The following XDH variants were observed in gnomAD, a reference collection of about 807,000 sequenced individuals.
The protein encoded by XDH is xanthine dehydrogenase.
In XDH, 138 loss-of-function variants were observed where a neutral mutation model predicts 156.1. The ratio of observed to expected loss-of-function variants is 0.88; its 90% CI spans 0.77 to 1.02. The LOEUF (loss-of-function observed/expected upper bound fraction) is 1.02. XDH is among the 50% of genes least tolerant of loss of function. The pLI is 0.00. For synonymous variants in XDH, 669 were observed against 625.7 expected, an observed-to-expected ratio of 1.07 and a Z score of -1.03; for missense variants, 1,849 against 1,684.9, an observed-to-expected ratio of 1.10 and a Z score of -1.71.
At chr2:31,380,102 G>T in intron 12 of XDH, 126 bp from the exon 13 acceptor site, 1 of 903,292 alleles carries the variant, frequency 1.1e-6, no homozygotes, top group East Asian at 2.6e-5. Flanking sequence ...CAGAGCAAAT[G>T]ACTGGCACAA....
At chr2:31,386,636 G>T in intron 8 of XDH, 81 bp from the exon 9 acceptor site, 1 of 1,569,216 alleles carries the variant, frequency 6.4e-7, no homozygotes, top group African/African-American at 1.3e-5. Flanking sequence ...AGTCCTCAAT[G>T]GGATGTTTTA....
chr2:31,347,839 T>TA (rs1187642551), intron 28 of XDH, among the ~76,000 whole-genome samples, 189 bp from the exon 29 acceptor site: 1 of 152,342 alleles, frequency 6.6e-6, no homozygotes, highest in Non-Finnish European at 1.5e-5. Flanking sequence ...TTCGGTTGGA[T>TA]AAAAAATTCA....
rs1685965446 is a variant in XDH at position 31,367,949 on chromosome 2, G to C, written c.2197+12C>G. ...GCCACCCCATTCCCACTGCGGCATG[G>C]AACAGCTCTACCTGACACAACATTA... On this transcript the variant is annotated intron_variant, in intron 20 of 35. Transcript: ENST00000379416. 1.2e-6 allele frequency: 2 copies of C among 1,613,806 alleles called. No homozygotes were observed. The highest frequency in any genetic ancestry group is 4.5e-5 in the East Asian group (2 of 44,864).
intron 14 of XDH, among the ~76,000 whole-genome samples, chr2:31,376,441 A>T (rs1013890595): frequency 2.7e-5 from 4 of 149,178 alleles, no homozygotes; most frequent in African/African-American, 4.9e-5. Context: ...TAATAGTAGT[A>T]GTAGTAGCAG....
chr2:31,346,762 G>C lies in XDH; in HGVS notation c.3351+7C>G. The C allele has an allele frequency of 6.2e-7, 1 of 1,614,110 alleles. No individual in the cohort carries two copies. The highest frequency in any genetic ancestry group is 1.1e-5 in the South Asian group (1 of 91,074). On this transcript the variant is annotated splice_region_variant and intron_variant, in intron 30 of 35. Coordinates refer to ENST00000379416, the MANE Select transcript of XDH (RefSeq NM_000379.4). ...TGCAAACGTGACTTGGATCAGCTCA[G>C]ACTTACCCAGTCTTCCCAGGAGCCA...
chr2:31,381,342 A>G (rs1686432286), intron 12 of XDH, among the ~76,000 whole-genome samples: 1 of 152,230 alleles, frequency 6.6e-6, no homozygotes, highest in South Asian at 2.1e-4. Context: ...AATGGTTCAC[A>G]GAATTCCTGA....
intron 1 of XDH, among the ~76,000 whole-genome samples, chr2:31,412,008 T>C (rs1335538732): frequency 1.3e-5 from 2 of 152,162 alleles, no homozygotes; most frequent in East Asian, 3.8e-4. Context: ...ACGATCTCTG[T>C]AGCTGACACT....
Position 31,349,075 on chromosome 2 carries a change from G to A in XDH, c.2970-95C>T, listed in dbSNP as rs2148755809. On this transcript the variant is annotated intron_variant, in intron 26 of 35. Coordinates refer to ENST00000379416, the MANE Select transcript of XDH (RefSeq NM_000379.4). ...CACATCAAAACAGGACATCCTTGGG[G>A]TTGCCCACAAAGATGAGAACAGTCA... The A allele has an allele frequency of 2.4e-6, 3 of 1,258,810 alleles. No individual in the cohort carries two copies. The South Asian group carries it at 3.8e-5, about 16-fold the overall frequency. The allele number at this position is 1,258,810 out of a possible 1,614,324, so 78.0% of individuals were successfully genotyped here. A position where few individuals can be genotyped will look rare whatever the true frequency, so the allele number is the denominator to read the frequency against.
chr2:31,402,287 C>A (rs998374570), intron 3 of XDH, among the ~76,000 whole-genome samples: 6 of 152,216 alleles, frequency 3.9e-5, no homozygotes, highest in Admixed American at 2.6e-4. Context: ...CAAATAATTT[C>A]TTTGCTTTTT....
At chr2:31,354,280 G>A (rs532775700) in intron 24 of XDH, among the ~76,000 whole-genome samples, 215 of 152,246 alleles carry the variant, frequency 1.4e-3, no homozygotes, top group Admixed American at 2.5e-3. Flanking sequence ...TAAAATAGAA[G>A]GCTTAAATAG....
intron 33 of XDH, among the ~76,000 whole-genome samples, chr2:31,340,684 G>A (rs1346074181): frequency 6.6e-6 from 1 of 152,046 alleles, no homozygotes; most frequent in East Asian, 1.9e-4. Context: ...TGTCCAAGCT[G>A]GTCTCGAACT....
intron 4 of XDH, among the ~76,000 whole-genome samples, chr2:31,400,642 T>C (rs1687032448): frequency 6.6e-6 from 1 of 152,220 alleles, no homozygotes; most frequent in South Asian, 2.1e-4. Flanking sequence ...TTTCAATGCA[T>C]TTTCAGGTGG....
chr2:31,348,398 A>G, intron 27 of XDH, 35 bp from the exon 28 acceptor site: 2 of 1,602,060 alleles, frequency 1.2e-6, no homozygotes, highest in Non-Finnish European at 1.7e-6. Context: ...CACAAAATTC[A>G]GTAAAATCCA....
intron 24 of XDH, among the ~76,000 whole-genome samples, chr2:31,354,752 T>C (rs757262369): frequency 1.3e-4 from 19 of 151,704 alleles, no homozygotes; most frequent in Non-Finnish European, 2.5e-4. Context: ...ATTGAGAATA[T>C]GGAATGAAAA....
At chr2:31,356,205 G>C (rs572443452) in intron 24 of XDH, among the ~76,000 whole-genome samples, 3 of 152,026 alleles carry the variant, frequency 2.0e-5, no homozygotes, top group Admixed American at 2.0e-4. Context: ...TCTCAAAATT[G>C]GTAGCAAAAA....
chr2:31,376,995 A>G (rs2148776052), intron 14 of XDH, 58 bp downstream of exon 14: 1 of 1,600,652 alleles, frequency 6.2e-7, no homozygotes, highest in Non-Finnish European at 8.6e-7. Flanking sequence ...AGCAGTAACA[A>G]TGATACTATT....
rs922491783 is a variant in XDH, at chr2:31,398,712, G to T, written c.307-13C>A. ...TGGCAATTCTCTCCTAAAAGATACA[G>T]ATGACATAGACACCTGGGATGGCAG... On this transcript the variant is annotated splice_polypyrimidine_tract_variant and intron_variant, in intron 4 of 35. Coordinates refer to ENST00000379416, the MANE Select transcript of XDH (RefSeq NM_000379.4). The T allele has an allele frequency of 6.2e-7, 1 of 1,613,270 alleles. No individual in the cohort carries two copies. The highest frequency in any genetic ancestry group is 8.5e-7 in the Non-Finnish European group (1 of 1,179,460).
At chr2:31,365,341 G>A (rs1250454501) in intron 23 of XDH, 116 bp downstream of exon 23, 22 of 1,066,936 alleles carry the variant, frequency 2.1e-5, no homozygotes, top group Admixed American at 1.7e-5. Context: ...TATCTTATTT[G>A]AACTTCTACA....
chr2:31,362,959 A>G (rs936186796), intron 24 of XDH, among the ~76,000 whole-genome samples: 39 of 152,226 alleles, frequency 2.6e-4, no homozygotes, highest in African/African-American at 9.4e-4. Flanking sequence ...AACATATGGT[A>G]TATCCCTATG....
Sources: gnomAD v4.1 joint callset for allele counts (sites outside exome capture counted in the v4.1 genomes callset) on GRCh38, gnomAD v4.1.1 for gene constraint, MANE v1.5 for transcripts, NCBI Gene and HGNC (gene_info 2026-07-23, HGNC 2026-07-21) for gene names.